ADAMTS19: variants seen among roughly 807,000 people sequenced by gnomAD.
The protein encoded by ADAMTS19 is ADAM metallopeptidase with thrombospondin type 1 motif 19.
ADAMTS19 carries 93 observed loss-of-function variants against 153.3 expected under a neutral mutation model. That is an observed-to-expected ratio of 0.61 (90% CI 0.51 to 0.72). ADAMTS19 has a LOEUF of 0.72. ADAMTS19 is among the 30% of genes least tolerant of loss of function. The pLI is 0.00. For missense variants in ADAMTS19, 1,482 were observed against 1,552.1 expected, an observed-to-expected ratio of 0.95 and a Z score of 0.76; for synonymous variants, 600 against 556.6, an observed-to-expected ratio of 1.08 and a Z score of -1.10.
At chr5:129,533,034 C>T (rs1028381127) in intron 6 of ADAMTS19, among the ~76,000 whole-genome samples, 12 of 151,912 alleles carry the variant, frequency 7.9e-5, no homozygotes, top group Non-Finnish European at 1.2e-4. Flanking sequence ...ACCTGGCAGG[C>T]GGAGGTTGCA....
intron 7 of ADAMTS19, among the ~76,000 whole-genome samples, chr5:129,578,658 T>C (rs1470531282): frequency 6.6e-6 from 1 of 152,076 alleles, no homozygotes; most frequent in African/African-American, 2.4e-5. Flanking sequence ...GTGTTCTCAT[T>C]GTTCAATGCC....
intron 7 of ADAMTS19, among the ~76,000 whole-genome samples, chr5:129,555,301 G>T (rs1753275902): frequency 6.6e-6 from 1 of 152,034 alleles, no homozygotes; most frequent in Admixed American, 6.6e-5. Flanking sequence ...AAATGGAGAG[G>T]AATGCTTGTA....
chr5:129,658,024 C>G (rs544254248), intron 14 of ADAMTS19, among the ~76,000 whole-genome samples: 69 of 152,194 alleles, frequency 4.5e-4, no homozygotes, highest in African/African-American at 1.7e-3. Flanking sequence ...GTGGCTCACA[C>G]CTATCATCCT....
At chr5:129,711,981 C>T (rs982709236) in intron 21 of ADAMTS19, among the ~76,000 whole-genome samples, 1 of 151,820 alleles carries the variant, frequency 6.6e-6, no homozygotes, top group African/African-American at 2.4e-5. Flanking sequence ...GATTATTCAA[C>T]TTTCAAAGAA....
chr5:129,624,674 TG>T (rs1751943577), intron 10 of ADAMTS19, among the ~76,000 whole-genome samples: 1 of 152,182 alleles, frequency 6.6e-6, no homozygotes. Context: ...TCTGTTAAAT[TG>T]TAGATTCTTT....
Position 129,648,681 on chromosome 5 carries a change from T to C in ADAMTS19, c.2004-117T>C. 3 of 730,678 alleles carry C rather than the reference T, an allele frequency of 4.1e-6. No individual in the cohort carries two copies. In the South Asian group the frequency reaches 8.5e-5, roughly 21 times the overall value. The allele number at this position is 730,678 out of a possible 1,614,324, so 45.3% of individuals were successfully genotyped here. A position where few individuals can be genotyped will look rare whatever the true frequency, so the allele number is the denominator to read the frequency against. On this transcript the variant is annotated intron_variant, in intron 12 of 22. Coordinates refer to ENST00000274487, the MANE Select transcript of ADAMTS19 (RefSeq NM_133638.6). ...TACTATCATTTAATGTGTCCAAGTT[T>C]TCAAAAGTAAATATAATATAAGGGG...
rs1554098182 is a variant in ADAMTS19, at chr5:129,608,116, G to GTA, written c.1478+11475_1478+11476dup. Among the ~76,000 whole-genome samples the GTA allele has an allele frequency of 5.2e-4, 25 of 47,952 alleles. 1 individual carries two copies. The highest frequency in any genetic ancestry group is 1.9e-3 in the South Asian group (2 of 1,030). The allele number at this position is 47,952 out of a possible 152,430, so 31.5% of individuals were successfully genotyped here. A position where few individuals can be genotyped will look rare whatever the true frequency, so the allele number is the denominator to read the frequency against. ...TGTGTGTGTGTGTGTGTGTGTGTGT[G>GTA]TATATATATATATATATATATATAA... On this transcript the variant is annotated intron_variant, in intron 8 of 22. Transcript: ENST00000274487.
At chr5:129,619,321 CT>C (rs1466968412) in intron 8 of ADAMTS19, among the ~76,000 whole-genome samples, 1 of 151,996 alleles carries the variant, frequency 6.6e-6, no homozygotes, top group Non-Finnish European at 1.5e-5. Flanking sequence ...TACTTCTCAT[CT>C]GCAAAATGCA....
chr5:129,484,111 T>A (rs944709205), intron 2 of ADAMTS19, among the ~76,000 whole-genome samples: 1 of 152,184 alleles, frequency 6.6e-6, no homozygotes, highest in African/African-American at 2.4e-5. Flanking sequence ...ACAATTTACA[T>A]TTTTTCTTTT....
At chr5:129,564,599 A>G (rs1753640432) in intron 7 of ADAMTS19, among the ~76,000 whole-genome samples, 1 of 152,228 alleles carries the variant, frequency 6.6e-6, no homozygotes, top group African/African-American at 2.4e-5. Context: ...GGATTTTACG[A>G]GGATTTTGGA....
intron 8 of ADAMTS19, among the ~76,000 whole-genome samples, chr5:129,615,263 A>G (rs1217492692): frequency 6.6e-6 from 1 of 152,078 alleles, no homozygotes; most frequent in Non-Finnish European, 1.5e-5. Flanking sequence ...AAGGTATTCT[A>G]ATGGAAAGGA....
At chr5:129,588,803 A>G (rs1268917988) in intron 7 of ADAMTS19, among the ~76,000 whole-genome samples, 1 of 151,838 alleles carries the variant, frequency 6.6e-6, no homozygotes, top group Non-Finnish European at 1.5e-5. Flanking sequence ...GGCCAGATAT[A>G]TGGGAATTTT....
intron 10 of ADAMTS19, among the ~76,000 whole-genome samples, chr5:129,637,361 G>C (rs1484456388): frequency 6.6e-6 from 1 of 152,042 alleles, no homozygotes; most frequent in Non-Finnish European, 1.5e-5. Context: ...AACCTAATTT[G>C]GTCATGGATA....
At chr5:129,518,690 G>T (rs1185592612) in intron 3 of ADAMTS19, among the ~76,000 whole-genome samples, 1 of 151,850 alleles carries the variant, frequency 6.6e-6, no homozygotes, top group Admixed American at 6.6e-5. Flanking sequence ...AATCTGCTTG[G>T]TGTTCTATAA....
intron 11 of ADAMTS19, among the ~76,000 whole-genome samples, chr5:129,644,071 A>G (rs778703411): frequency 4.1e-5 from 6 of 148,020 alleles, no homozygotes; most frequent in Non-Finnish European, 8.8e-5. Flanking sequence ...TTGTATATAT[A>G]AACATAATTT....
At chr5:129,635,036 C>T (rs1422149437) in intron 10 of ADAMTS19, among the ~76,000 whole-genome samples, 1 of 151,858 alleles carries the variant, frequency 6.6e-6, no homozygotes, top group Non-Finnish European at 1.5e-5. Context: ...TAACAAAGAT[C>T]TAATATCCAG....
intron 16 of ADAMTS19, among the ~76,000 whole-genome samples, chr5:129,674,868 A>T (rs578084876): frequency 3.6e-4 from 55 of 152,210 alleles, no homozygotes; most frequent in Middle Eastern, 3.4e-3. Context: ...TCACATAGAC[A>T]CCACTTTCCA....
Position 129,492,485 on chromosome 5 carries a change from T to A in ADAMTS19, c.748-16592T>A, listed in dbSNP as rs561032416. Reference sequence around the variant, plus strand: ...CATTTTGACAGAGAGTACTGATGTATTGCTTGTATAATTAAAGGTCAGTGT... The same window carrying A: ...CATTTTGACAGAGAGTACTGATGTAATGCTTGTATAATTAAAGGTCAGTGT... On this transcript the variant is annotated intron_variant, in intron 2 of 22. Transcript: ENST00000274487. 3.3e-5 allele frequency among the ~76,000 whole-genome samples: 5 copies of A among 150,906 alleles called. No homozygotes were observed. The South Asian group carries it at 1.0e-3, about 31-fold the overall frequency.
At chr5:129,660,376 CAGA>C (rs2127071097) in intron 15 of ADAMTS19, among the ~76,000 whole-genome samples, 1 of 151,884 alleles carries the variant, frequency 6.6e-6, no homozygotes, top group East Asian at 1.9e-4. Context: ...ATTGTGATGG[CAGA>C]AGTTTTTTTT....
Sources: allele counts gnomAD v4.1 joint callset (sites outside exome capture counted in the v4.1 genomes callset), GRCh38; gene constraint gnomAD v4.1.1; transcripts MANE v1.5; gene names NCBI Gene and HGNC (gene_info 2026-07-23, HGNC 2026-07-21).